The following JMJD1C variants were observed in gnomAD, a reference collection of about 807,000 sequenced individuals.
JMJD1C encodes the protein jumonji domain containing 1C, also known as jumonji domain-containing protein 1C.
In JMJD1C, 31 loss-of-function variants were observed where a neutral mutation model predicts 245.3. That is an observed-to-expected ratio of 0.13 (90% confidence interval 0.09 to 0.17). The LOEUF (loss-of-function observed/expected upper bound fraction) is 0.17. JMJD1C is among the 10% of genes least tolerant of loss of function. JMJD1C has a pLI of 1.00. For synonymous variants in JMJD1C, 1,057 were observed against 1,017.4 expected (o/e 1.04, Z -0.74); for missense variants, 2,691 against 3,000.2 (o/e 0.90, Z 2.41).
At chr10:63,430,140 A>C (rs577183240) in intron 1 of JMJD1C, among the ~76,000 whole-genome samples, 1 of 152,352 alleles carries the variant, frequency 6.6e-6, no homozygotes, top group South Asian at 2.1e-4. Context: ...CTGGGTTTCC[A>C]TATACAAAAA....
intron 3 of JMJD1C, among the ~76,000 whole-genome samples, chr10:63,256,665 C>A (rs999479572): frequency 6.6e-6 from 1 of 152,164 alleles, no homozygotes; most frequent in Non-Finnish European, 1.5e-5. Flanking sequence ...CCTAGACCAC[C>A]CCCAGGCTTT....
chr10:63,356,107 G>A (rs1317379102), intron 2 of JMJD1C, among the ~76,000 whole-genome samples: 1 of 152,126 alleles, frequency 6.6e-6, no homozygotes, highest in African/African-American at 2.4e-5. Context: ...AATCTACATA[G>A]CAGCATATGG....
At chr10:63,272,164 G>A (rs1223169849) in intron 2 of JMJD1C, among the ~76,000 whole-genome samples, 3 of 152,016 alleles carry the variant, frequency 2.0e-5, no homozygotes, top group Non-Finnish European at 4.4e-5. Context: ...GAATGAAAAA[G>A]AGATGGGCAA....
intron 1 of JMJD1C, among the ~76,000 whole-genome samples, chr10:63,482,716 T>A (rs1201288661): frequency 1.2e-4 from 19 of 152,334 alleles, no homozygotes; most frequent in East Asian, 7.7e-4. Context: ...CTCCACCATT[T>A]ACTAGCTGTG....
At chr10:63,250,788 T>C (rs1046103704) in intron 3 of JMJD1C, among the ~76,000 whole-genome samples, 2 of 152,234 alleles carry the variant, frequency 1.3e-5, no homozygotes, top group Admixed American at 6.5e-5. Context: ...TTACCCTGGC[T>C]TGAGTGCAGT....
intron 1 of JMJD1C, among the ~76,000 whole-genome samples, chr10:63,462,880 T>C (rs1014990926): frequency 6.6e-6 from 1 of 152,260 alleles, no homozygotes; most frequent in Admixed American, 6.5e-5. Flanking sequence ...TTACGTTAAT[T>C]AAACAATTAT....
intron 3 of JMJD1C, 77 bp from the exon 4 acceptor site, chr10:63,220,060 T>A: frequency 1.0e-6 from 1 of 985,060 alleles, no homozygotes; most frequent in Non-Finnish European, 1.5e-6. Flanking sequence ...CTCCTATACG[T>A]TCTAAGGACT....
intron 1 of JMJD1C, among the ~76,000 whole-genome samples, chr10:63,512,325 G>T (rs1954895510): frequency 6.6e-6 from 1 of 150,770 alleles, no homozygotes; most frequent in Non-Finnish European, 1.5e-5. Context: ...AATCAGATTT[G>T]CAATAAATTC....
At chr10:63,386,204 T>C (rs923566140) in intron 1 of JMJD1C, among the ~76,000 whole-genome samples, 1 of 152,124 alleles carries the variant, frequency 6.6e-6, no homozygotes, top group South Asian at 2.1e-4. Context: ...GTGGGGTAAC[T>C]AGGCATTTTC....
Position 63,296,012 on chromosome 10 carries a change from TA to T in JMJD1C, c.334-31249del, listed in dbSNP as rs1401276162. On this transcript the variant is annotated intron_variant, in intron 2 of 25. Transcript: ENST00000399262. ...GTGTGTGTGTGTGTGTGTATATATA[TA>T]TTTTTTTTTTTTTCTTAGATGGAGT... Among the ~76,000 whole-genome samples, 58 of 73,628 alleles carry T rather than the reference TA, an allele frequency of 7.9e-4. 3 individuals carry two copies. The highest frequency in any genetic ancestry group is 5.5e-3 in the East Asian group (14 of 2,560). The allele number at this position is 73,628 out of a possible 152,430, so 48.3% of individuals were successfully genotyped here.
chr10:63,319,393 AG>A (rs1940562938), intron 2 of JMJD1C, among the ~76,000 whole-genome samples: 2 of 145,442 alleles, frequency 1.4e-5, no homozygotes, highest in African/African-American at 2.5e-5. Flanking sequence ...GCAAGTCTTT[AG>A]CATTTTCTTT....
chr10:63,377,550 T>A (rs1367020833), intron 2 of JMJD1C, among the ~76,000 whole-genome samples: 1 of 151,914 alleles, frequency 6.6e-6, no homozygotes, highest in African/African-American at 2.4e-5. Context: ...CTGGCCAATA[T>A]GTTGAAAAAC....
chr10:63,371,505 A>G (rs1946317634), intron 2 of JMJD1C, among the ~76,000 whole-genome samples: 1 of 152,188 alleles, frequency 6.6e-6, no homozygotes, highest in Non-Finnish European at 1.5e-5. Context: ...TTCTAATAAC[A>G]TTAAACCTTT....
At chr10:63,179,436 G>C (rs1246027825) in intron 22 of JMJD1C, among the ~76,000 whole-genome samples, 1 of 150,184 alleles carries the variant, frequency 6.7e-6, no homozygotes, top group Admixed American at 6.6e-5. Context: ...AAGAAAAAAA[G>C]AAAATGTGAT....
At chr10:63,354,031 G>T (rs1564824024) in intron 2 of JMJD1C, among the ~76,000 whole-genome samples, 1 of 152,134 alleles carries the variant, frequency 6.6e-6, no homozygotes, top group East Asian at 1.9e-4. Flanking sequence ...AGTAAAGACG[G>T]GGTTTCACCA....
chr10:63,269,228 T>C (rs892112524), intron 2 of JMJD1C: 2 of 985,132 alleles, frequency 2.0e-6, no homozygotes, highest in African/African-American at 3.5e-5. Flanking sequence ...AACGAGTACT[T>C]GGCTTAGGGC....
At chr10:63,215,825 A>G in intron 5 of JMJD1C, 129 bp from the exon 6 acceptor site, 1 of 596,572 alleles carries the variant, frequency 1.7e-6, no homozygotes, top group South Asian at 3.9e-5. Flanking sequence ...AGATGCTGTT[A>G]TAATAATTTG....
chr10:63,181,801 C>T (rs923587474), intron 22 of JMJD1C, among the ~76,000 whole-genome samples: 1 of 152,146 alleles, frequency 6.6e-6, no homozygotes, highest in Admixed American at 6.5e-5. Flanking sequence ...AAGATCTGAA[C>T]AAACTACAAT....
intron 2 of JMJD1C, among the ~76,000 whole-genome samples, chr10:63,318,410 ATT>A (rs1426406199): frequency 6.6e-6 from 1 of 152,030 alleles, no homozygotes; most frequent in East Asian, 1.9e-4. Context: ...CTAAATGTTC[ATT>A]TGAGTCTTTT....
Sources: allele counts gnomAD v4.1 joint callset (sites outside exome capture counted in the v4.1 genomes callset), GRCh38; gene constraint gnomAD v4.1.1; transcripts MANE v1.5; gene names NCBI Gene and HGNC (gene_info 2026-07-23, HGNC 2026-07-21).